Variants in JMY observed in about 807,000 individuals in gnomAD.
The protein encoded by JMY is junction mediating and regulatory protein, p53 cofactor.
JMY carries 46 observed loss-of-function variants against 103.3 expected under a neutral mutation model. The ratio of observed to expected loss-of-function variants is 0.45; its 90% CI spans 0.35 to 0.57. JMY has a LOEUF of 0.57. Among genes scored for constraint, JMY ranks in the 20% least tolerant of loss-of-function variants. The pLI is 0.00. For synonymous variants in JMY, 526 were observed against 489.3 expected, an observed-to-expected ratio of 1.07 and a Z score of -0.99; for missense variants, 1,238 against 1,255.2, an observed-to-expected ratio of 0.99 and a Z score of 0.21.
chr5:79,255,206 C>T (rs1745204488), intron 1 of JMY, among the ~76,000 whole-genome samples: 1 of 150,008 alleles, frequency 6.7e-6, no homozygotes, highest in African/African-American at 2.5e-5. Flanking sequence ...AAGGGATTCT[C>T]CTGCCTCCGC....
intron 9 of JMY, 149 bp from the exon 10 acceptor site, chr5:79,315,851 A>G: frequency 1.4e-6 from 1 of 698,172 alleles, no homozygotes; most frequent in Non-Finnish European, 2.5e-6. Flanking sequence ...TTGTGTTCTG[A>G]TCACCTTCTG....
At chr5:79,250,069 C>T (rs1745031319) in intron 1 of JMY, among the ~76,000 whole-genome samples, 1 of 152,188 alleles carries the variant, frequency 6.6e-6, no homozygotes, top group South Asian at 2.1e-4. Context: ...TAAATGTCAG[C>T]TGCTATTGTG....
intron 4 of JMY, 117 bp from the exon 5 acceptor site, chr5:79,300,036 T>G: frequency 1.6e-6 from 1 of 629,762 alleles, no homozygotes; most frequent in Non-Finnish European, 2.6e-6. Context: ...ACAAGTTTCT[T>G]TCTGAGAGGA....
At chr5:79,301,771 C>T (rs1218943495) in intron 6 of JMY, among the ~76,000 whole-genome samples, 2 of 152,122 alleles carry the variant, frequency 1.3e-5, no homozygotes, top group Non-Finnish European at 2.9e-5. Context: ...CTTCATTTCA[C>T]GTTCCAATCT....
At chr5:79,275,382 C>T (rs1262726788) in intron 1 of JMY, among the ~76,000 whole-genome samples, 5 of 152,002 alleles carry the variant, frequency 3.3e-5, no homozygotes, top group Admixed American at 1.3e-4. Flanking sequence ...AGGATGTTGT[C>T]GATCTCCTGA....
intron 1 of JMY, among the ~76,000 whole-genome samples, chr5:79,259,626 T>C (rs1745356704): frequency 6.6e-6 from 1 of 152,230 alleles, no homozygotes; most frequent in Non-Finnish European, 1.5e-5. Context: ...TCTGTGCTCA[T>C]TGGTGCCCAA....
intron 2 of JMY, among the ~76,000 whole-genome samples, chr5:79,280,710 G>A (rs1746080205): frequency 6.6e-6 from 1 of 152,090 alleles, no homozygotes; most frequent in African/African-American, 2.4e-5. Context: ...ACACAACCTT[G>A]TAAGTTGGGT....
chr5:79,272,500 CTCT>C (rs1440011151), intron 1 of JMY, among the ~76,000 whole-genome samples: 1 of 151,144 alleles, frequency 6.6e-6, no homozygotes, highest in East Asian at 1.9e-4. Flanking sequence ...CTTTTTTCTC[CTCT>C]TCTTTTCCTG....
intron 1 of JMY, among the ~76,000 whole-genome samples, chr5:79,262,717 G>A (rs1336572154): frequency 2.6e-5 from 4 of 152,214 alleles, no homozygotes; most frequent in Non-Finnish European, 5.9e-5. Context: ...AGCAGTGTTA[G>A]GTGAGATGGC....
rs373851958 is a variant in JMY, at chr5:79,258,754, C to T, written c.1033-19156C>T. ...AGCTTGGAGACTCCAGGAACTGCAG[C>T]GCCTTAAAGAGGGTGTCACCGCTCT... On this transcript the variant is annotated intron_variant, in intron 1 of 10. Transcript: ENST00000396137. Among the ~76,000 whole-genome samples the T allele has an allele frequency of 1.2e-4, 19 of 152,236 alleles. No homozygotes were observed. In the East Asian group the frequency reaches 2.3e-3, roughly 19 times the overall value.
intron 9 of JMY, among the ~76,000 whole-genome samples, chr5:79,315,509 C>T (rs190080308): frequency 1.3e-5 from 2 of 152,250 alleles, no homozygotes; most frequent in East Asian, 3.9e-4. Context: ...TTGTATATTA[C>T]ATTTTAACCT....
At chr5:79,271,064 T>TA (rs1408793110) in intron 1 of JMY, among the ~76,000 whole-genome samples, 10 of 152,072 alleles carry the variant, frequency 6.6e-5, no homozygotes, top group Admixed American at 2.6e-4. Context: ...TAATGGGAGA[T>TA]GTCAGTCTGT....
intron 2 of JMY, among the ~76,000 whole-genome samples, chr5:79,279,400 AG>A (rs770368120): frequency 1.8e-4 from 27 of 152,296 alleles, no homozygotes; most frequent in Non-Finnish European, 3.4e-4. Context: ...CAAGCATTTA[AG>A]GGTTTGATTT....
At chr5:79,258,443 G>A (rs2112062366) in intron 1 of JMY, among the ~76,000 whole-genome samples, 1 of 151,710 alleles carries the variant, frequency 6.6e-6, no homozygotes, top group South Asian at 2.1e-4. Flanking sequence ...TTTTCCTCTG[G>A]CCTGCTGGGC....
chr5:79,317,953 T>TA (rs1747291498), intron 10 of JMY, among the ~76,000 whole-genome samples: 3 of 152,190 alleles, frequency 2.0e-5, no homozygotes, highest in Admixed American at 2.0e-4. Flanking sequence ...GGGAGCTTAT[T>TA]AAAAATGGAC....
At chr5:79,260,188 C>T (rs1425565657) in intron 1 of JMY, among the ~76,000 whole-genome samples, 3 of 152,246 alleles carry the variant, frequency 2.0e-5, no homozygotes, top group Non-Finnish European at 4.4e-5. Flanking sequence ...GCCAGGTGCT[C>T]ACAGACCCTT....
rs1747517334 is a variant in JMY at position 79,323,108 on chromosome 5, G to C, written c.*1506G>C. The C allele has an allele frequency of 6.6e-6, 1 of 152,128 alleles. No homozygotes were observed. The highest frequency in any genetic ancestry group is 2.4e-5 in the African/African-American group (1 of 41,416). The allele number at this position is 152,128 out of a possible 1,614,324, so 9.4% of individuals were successfully genotyped here. On this transcript the variant is annotated 3_prime_UTR_variant, in exon 11 of 11. Coordinates refer to ENST00000396137, the MANE Select transcript of JMY (RefSeq NM_152405.5). Reference sequence around the variant, plus strand: ...AAACAAAACAGGCACATGCCACCATGCCCCAGCTAATTTTTATATTTTTTA... The same window carrying C: ...AAACAAAACAGGCACATGCCACCATCCCCCAGCTAATTTTTATATTTTTTA...
chr5:79,269,846 G>A (rs1435496164), intron 1 of JMY, among the ~76,000 whole-genome samples: 3 of 152,014 alleles, frequency 2.0e-5, no homozygotes, highest in East Asian at 3.9e-4. Flanking sequence ...TCCTGCCTCA[G>A]CCTCTGCAGT....
At chr5:79,319,720 A>G (rs138699393) in intron 10 of JMY, among the ~76,000 whole-genome samples, 3,177 of 152,072 alleles carry the variant, frequency 0.021, 132 homozygotes, top group African/African-American at 0.072. Context: ...AGCTGGGATT[A>G]TAGGCGTGTG....
Sources: gnomAD v4.1 joint callset for allele counts (sites outside exome capture counted in the v4.1 genomes callset) on GRCh38, gnomAD v4.1.1 for gene constraint, MANE v1.5 for transcripts, NCBI Gene and HGNC (gene_info 2026-07-23, HGNC 2026-07-21) for gene names.